The following PSMA1 variants were observed in gnomAD, a reference collection of about 807,000 sequenced individuals.
PSMA1 encodes the protein proteasome 20S subunit alpha 1.
Under a neutral mutation model 38.4 loss-of-function variants are expected in PSMA1, and 3 were observed. That is an observed-to-expected ratio of 0.08 (90% confidence interval 0.04 to 0.20). PSMA1 has a LOEUF of 0.20. Among genes scored for constraint, PSMA1 ranks in the 10% least tolerant of loss-of-function variants. The probability of loss-of-function intolerance (pLI) is 1.00; values close to 1 mark genes in which losing one functional copy is unlikely to be tolerated. For missense variants in PSMA1, 227 were observed against 325.3 expected (o/e 0.70, Z 2.32); for synonymous variants, 101 against 107.1 (o/e 0.94, Z 0.35).
intron 1 of PSMA1, among the ~76,000 whole-genome samples, chr11:14,625,792 C>G (rs1431720105): frequency 1.3e-5 from 2 of 152,224 alleles, no homozygotes; most frequent in Non-Finnish European, 2.9e-5. Flanking sequence ...CTTCCTCTGG[C>G]TATCTTCCAT....
chr11:14,616,372 C>T (rs1056441074), intron 1 of PSMA1, among the ~76,000 whole-genome samples: 6 of 151,418 alleles, frequency 4.0e-5, no homozygotes, highest in Admixed American at 3.3e-4. Flanking sequence ...GCTGTGATTA[C>T]AGGCAAGCAC....
chr11:14,534,303 G>A lies in PSMA1; in HGVS notation c.22-15262C>T, dbSNP rs1489865988. ...ATTCTTTTTAAACCTGCTTTTCTAT[G>A]TAAACATTAAACCACGAACATTTCT... On this transcript the variant is annotated intron_variant, in intron 2 of 10. Coordinates refer to the PSMA1 transcript ENST00000418988. The surrounding 1 kb of genome is among the most constrained non-coding windows in gnomAD (Gnocchi z 4.5). Among the ~76,000 whole-genome samples the A allele has an allele frequency of 6.6e-6, 1 of 152,036 alleles. No homozygotes were observed. The highest frequency in any genetic ancestry group is 1.5e-5 in the Non-Finnish European group (1 of 68,006).
intron 2 of PSMA1, among the ~76,000 whole-genome samples, chr11:14,580,595 T>A (rs1438719916): frequency 6.6e-6 from 1 of 152,198 alleles, no homozygotes; most frequent in Non-Finnish European, 1.5e-5. Context: ...GTCATACTCA[T>A]CCCTAAATCT....
At chr11:14,537,632 A>C (rs1385900290) in intron 2 of PSMA1, among the ~76,000 whole-genome samples, 7 of 151,094 alleles carry the variant, frequency 4.6e-5, no homozygotes, top group Non-Finnish European at 1.0e-4. Context: ...TAAATATAAC[A>C]TTATTAAATA....
chr11:14,567,675 C>T (rs1360505116), intron 2 of PSMA1, among the ~76,000 whole-genome samples: 3 of 152,196 alleles, frequency 2.0e-5, no homozygotes, highest in Non-Finnish European at 4.4e-5. Flanking sequence ...CATGAATATT[C>T]CCAGCTGAGA....
chr11:14,591,326 C>T (rs143933578), intron 2 of PSMA1, among the ~76,000 whole-genome samples: 2,132 of 152,326 alleles, frequency 0.014, 26 homozygotes, highest in Non-Finnish European at 0.024. Flanking sequence ...ACCTGCAGCC[C>T]GCCATGCCTG....
intron 2 of PSMA1, among the ~76,000 whole-genome samples, chr11:14,601,119 G>A (rs1253804939): frequency 6.6e-6 from 1 of 152,166 alleles, no homozygotes; most frequent in East Asian, 1.9e-4. Flanking sequence ...GTGACTGCCA[G>A]TTGGCTATTT....
intron 1 of PSMA1, among the ~76,000 whole-genome samples, chr11:14,611,511 C>T (rs1204818183): frequency 6.6e-6 from 1 of 152,136 alleles, no homozygotes; most frequent in African/African-American, 2.4e-5. Context: ...GGCAACAAAA[C>T]AAATTCTACA....
chr11:14,599,611 C>T (rs555851253), intron 2 of PSMA1, among the ~76,000 whole-genome samples: 4 of 152,302 alleles, frequency 2.6e-5, no homozygotes, highest in Non-Finnish European at 4.4e-5. Context: ...GGTCTTCTCT[C>T]TGCTGTTTAT....
chr11:14,570,747 C>T (rs1044312074), intron 2 of PSMA1, among the ~76,000 whole-genome samples: 54 of 152,284 alleles, frequency 3.5e-4, no homozygotes, highest in Non-Finnish European at 6.8e-4. Context: ...CTGAAAATGA[C>T]GGGGAGAATG....
At chr11:14,627,833 CTT>C (rs1356510442) in intron 1 of PSMA1, among the ~76,000 whole-genome samples, 1 of 152,184 alleles carries the variant, frequency 6.6e-6, no homozygotes, top group Non-Finnish European at 1.5e-5. Flanking sequence ...GCCATCCTCT[CTT>C]ATATCTAAAT....
chr11:14,551,623 C>T (rs911420955), intron 2 of PSMA1, among the ~76,000 whole-genome samples: 1 of 152,170 alleles, frequency 6.6e-6, no homozygotes, highest in Non-Finnish European at 1.5e-5. Flanking sequence ...AATGAACTTC[C>T]AGTGTTCCCA....
intron 1 of PSMA1, among the ~76,000 whole-genome samples, chr11:14,635,891 G>T (rs1460953370): frequency 6.6e-6 from 1 of 152,110 alleles, no homozygotes; most frequent in Non-Finnish European, 1.5e-5. Flanking sequence ...TTATTTGTAG[G>T]ATAGCACTAT....
At chr11:14,514,817 G>A (rs899963537) in intron 4 of PSMA1, among the ~76,000 whole-genome samples, 1 of 152,164 alleles carries the variant, frequency 6.6e-6, no homozygotes, top group Non-Finnish European at 1.5e-5. Context: ...CAGCAAGCTT[G>A]TCGTAATTCT....
chr11:14,632,118 C>G (rs1203316223), intron 1 of PSMA1, among the ~76,000 whole-genome samples: 1 of 142,314 alleles, frequency 7.0e-6, no homozygotes, highest in Non-Finnish European at 1.5e-5. Flanking sequence ...GACTCTTTAT[C>G]CAATTTGCCA....
At chr11:14,517,488 T>A (rs1335579152) in intron 4 of PSMA1, among the ~76,000 whole-genome samples, 154 bp downstream of exon 4, 1 of 152,116 alleles carries the variant, frequency 6.6e-6, no homozygotes, top group Non-Finnish European at 1.5e-5. Flanking sequence ...AAATGGAAAA[T>A]TTAATAACAA....
chr11:14,578,365 T>G (rs2134182155), intron 2 of PSMA1, among the ~76,000 whole-genome samples: 1 of 152,286 alleles, frequency 6.6e-6, no homozygotes, highest in African/African-American at 2.4e-5. Flanking sequence ...CTTGTCCAGT[T>G]AAATGAAAAA....
chr11:14,579,705 G>A (rs1377488563), intron 2 of PSMA1, among the ~76,000 whole-genome samples: 1 of 151,866 alleles, frequency 6.6e-6, no homozygotes, highest in Non-Finnish European at 1.5e-5. Context: ...TTCTTTAAAA[G>A]AATAAACTTT....
chr11:14,568,857 T>C (rs532574860), intron 2 of PSMA1, among the ~76,000 whole-genome samples: 1 of 152,328 alleles, frequency 6.6e-6, no homozygotes, highest in African/African-American at 2.4e-5. Flanking sequence ...GACATCTTTC[T>C]TGTTCATCTC....
Sources: gnomAD v4.1 joint callset for allele counts (sites outside exome capture counted in the v4.1 genomes callset) on GRCh38, gnomAD v4.1.1 for gene constraint, Gnocchi (gnomAD v3.1) non-coding constraint, MANE v1.5 for transcripts, NCBI Gene and HGNC (gene_info 2026-07-23, HGNC 2026-07-21) for gene names.